The following RSPRY1 variants were observed in gnomAD, a reference collection of about 807,000 sequenced individuals.
The protein encoded by RSPRY1 is ring finger and SPRY domain containing 1, also known as RING finger and SPRY domain-containing protein 1.
A neutral mutation model predicts 73.1 loss-of-function variants in RSPRY1; 23 were observed. The ratio of observed to expected loss-of-function variants is 0.31; its 90% confidence interval spans 0.23 to 0.45. RSPRY1 has a LOEUF of 0.45. Ranked by LOEUF, RSPRY1 falls within the 20% of genes least tolerant of loss-of-function variation. The pLI, the probability that RSPRY1 is intolerant of heterozygous loss-of-function variation, is 1.00. For synonymous variants in RSPRY1, 226 were observed against 251.4 expected, an observed-to-expected ratio of 0.90 and a Z score of 0.95; for missense variants, 448 against 698.7, an observed-to-expected ratio of 0.64 and a Z score of 4.05.
At chr16:57,186,482 G>T in intron 1 of RSPRY1, 31 bp downstream of exon 1, 1 of 153,642 alleles carries the variant, frequency 6.5e-6, no homozygotes, top group South Asian at 1.9e-4. Context: ...GCGCTGCTCT[G>T]AGCCCTGGGC....
At chr16:57,201,173 C>CGGG (rs2074591401) in intron 1 of RSPRY1, among the ~76,000 whole-genome samples, 1 of 151,356 alleles carries the variant, frequency 6.6e-6, no homozygotes. Flanking sequence ...GTGTGGCTGC[C>CGGG]AGGTGGAGGG....
rs8058218 is a variant in RSPRY1, at chr16:57,212,864, C to T, written c.517-108C>T. On this transcript the variant is annotated intron_variant, in intron 4 of 14. Transcript: ENST00000394420. ...TCTTGACCTTGTGGTCCGCCCGCCT[C>T]GGCCTCCCAAAGTGCTGGTTATAGC... The T allele has an allele frequency of 1.8e-5, 21 of 1,168,208 alleles. No homozygotes were observed. The Admixed American group carries it at 2.3e-4, about 13-fold the overall frequency. The allele number at this position is 1,168,208 out of a possible 1,614,324, so 72.4% of individuals were successfully genotyped here.
intron 8 of RSPRY1, among the ~76,000 whole-genome samples, chr16:57,218,522 C>G (rs915722120): frequency 1.3e-4 from 19 of 151,956 alleles, no homozygotes; most frequent in Non-Finnish European, 2.9e-5. Context: ...AACCATCCTT[C>G]TATTTTCTAT....
At chr16:57,224,177 C>T (rs765365248) in intron 10 of RSPRY1, among the ~76,000 whole-genome samples, 3 of 152,180 alleles carry the variant, frequency 2.0e-5, no homozygotes, top group South Asian at 2.1e-4. Flanking sequence ...TTTAGGGAAA[C>T]GATCTGGCCA....
chr16:57,238,539 T>C (rs1358921629), intron 14 of RSPRY1, among the ~76,000 whole-genome samples: 1 of 152,204 alleles, frequency 6.6e-6, no homozygotes, highest in Non-Finnish European at 1.5e-5. Context: ...TGGTGAAAGA[T>C]GGACTGTTTG....
chr16:57,207,817 TTGTC>T (rs1181797560), intron 2 of RSPRY1: 17 of 537,718 alleles, frequency 3.2e-5, no homozygotes, highest in Non-Finnish European at 5.6e-5. Context: ...ATAGTAGTCT[TTGTC>T]TGTATCCACC....
chr16:57,224,046 TCAGA>T (rs2075082499), intron 10 of RSPRY1, among the ~76,000 whole-genome samples: 1 of 152,180 alleles, frequency 6.6e-6, no homozygotes, highest in African/African-American at 2.4e-5. Flanking sequence ...TCTGGCTATC[TCAGA>T]CAGAAAAGGA....
chr16:57,221,436 T>A, intron 10 of RSPRY1, 21 bp downstream of exon 10: 1 of 1,585,306 alleles, frequency 6.3e-7, no homozygotes, highest in Non-Finnish European at 8.6e-7. Context: ...TAGAGAACTG[T>A]GAAAATGGGA....
intron 1 of RSPRY1, among the ~76,000 whole-genome samples, chr16:57,202,906 ATC>A (rs1555500016): frequency 6.9e-6 from 1 of 144,090 alleles, no homozygotes; most frequent in African/African-American, 2.6e-5. Flanking sequence ...ATATATATAT[ATC>A]TGAAGACTTT....
chr16:57,215,548 A>C (rs1347409458), intron 6 of RSPRY1, among the ~76,000 whole-genome samples: 3 of 152,242 alleles, frequency 2.0e-5, no homozygotes, highest in South Asian at 4.1e-4. Flanking sequence ...CTCATGTGAC[A>C]TGAGCTTAAA....
At chr16:57,227,054 C>T (rs1479981125) in intron 10 of RSPRY1, among the ~76,000 whole-genome samples, 2 of 152,124 alleles carry the variant, frequency 1.3e-5, no homozygotes, top group South Asian at 4.1e-4. Context: ...GAGTCTGATG[C>T]CACCAGCCTC....
intron 8 of RSPRY1, chr16:57,220,427 T>C: frequency 5.6e-6 from 1 of 177,282 alleles, no homozygotes; most frequent in East Asian, 1.4e-4. Flanking sequence ...ACAATTACTT[T>C]CTTGATTTCT....
rs74939379 is a variant in RSPRY1 at position 57,208,920 on chromosome 16, G to A, written c.404-155G>A. 4.4e-3 allele frequency among the ~76,000 whole-genome samples: 663 copies of A among 152,112 alleles called. 5 individuals are homozygous for A. Among genetic ancestry groups the A allele is most frequent in the African/African-American group, 0.015 (628 of 41,498 alleles). Reference sequence around the variant, plus strand: ...TAAGATGTTTTTACTCCACCACGATGACTAGCAATTGATGATTATGTCCAT... The same window carrying A: ...TAAGATGTTTTTACTCCACCACGATAACTAGCAATTGATGATTATGTCCAT... On this transcript the variant is annotated intron_variant, in intron 3 of 14. Coordinates refer to ENST00000394420, the MANE Select transcript of RSPRY1 (RefSeq NM_133368.3).
At chr16:57,200,957 G>T (rs1316604678) in intron 1 of RSPRY1, among the ~76,000 whole-genome samples, 2 of 135,378 alleles carry the variant, frequency 1.5e-5, no homozygotes, top group Non-Finnish European at 3.3e-5. Flanking sequence ...CGGGGGGGGG[G>T]GGGGCTGACC....
intron 11 of RSPRY1, among the ~76,000 whole-genome samples, chr16:57,228,403 G>T (rs879830078): frequency 1.3e-5 from 2 of 151,894 alleles, no homozygotes; most frequent in Non-Finnish European, 2.9e-5. Flanking sequence ...TTAATGGCTT[G>T]CAGGTTCTTG....
upstream of RSPRY1, chr16:57,186,219 G>A (rs2074164879): frequency 4.1e-6 from 4 of 971,338 alleles, no homozygotes; most frequent in Non-Finnish European, 4.9e-6. Flanking sequence ...CTGATCACGT[G>A]ACACGATTTT....
At chr16:57,219,470 T>C (rs1038716722) in intron 8 of RSPRY1, among the ~76,000 whole-genome samples, 1 of 152,266 alleles carries the variant, frequency 6.6e-6, no homozygotes. Context: ...CTTTGAGAAA[T>C]GTCTATTCGG....
chr16:57,208,327 G>A (rs1333796455), intron 3 of RSPRY1, among the ~76,000 whole-genome samples: 1 of 104,006 alleles, frequency 9.6e-6, no homozygotes, highest in African/African-American at 4.3e-5. Flanking sequence ...TTTTTTTTTG[G>A]CATTGATGGA....
intron 4 of RSPRY1, among the ~76,000 whole-genome samples, chr16:57,210,005 CT>C (rs1430224067): frequency 6.1e-4 from 93 of 151,364 alleles, no homozygotes; most frequent in African/African-American, 2.2e-3. Flanking sequence ...TATTTAATTG[CT>C]TTTTTTTCTT....
Sources: gnomAD v4.1 joint callset for allele counts (sites outside exome capture counted in the v4.1 genomes callset) on GRCh38, gnomAD v4.1.1 for gene constraint, MANE v1.5 for transcripts, NCBI Gene and HGNC (gene_info 2026-07-23, HGNC 2026-07-21) for gene names.